The following SLCO3A1 variants were observed in gnomAD, a reference collection of about 807,000 sequenced individuals.
SLCO3A1 encodes PGE1 transporter.
Under a neutral mutation model 63.1 loss-of-function variants are expected in SLCO3A1, and 27 were observed. The ratio of observed to expected loss-of-function variants is 0.43; its 90% CI spans 0.32 to 0.59. The LOEUF (loss-of-function observed/expected upper bound fraction) is 0.59. Among genes scored for constraint, SLCO3A1 ranks in the 20% least tolerant of loss-of-function variants. The pLI is 0.09. For synonymous variants in SLCO3A1, 473 were observed against 409.9 expected (o/e 1.15, Z -1.86); for missense variants, 773 against 945.8 (o/e 0.82, Z 2.40).
At chr15:91,962,577 T>C (rs530122406) in intron 2 of SLCO3A1, among the ~76,000 whole-genome samples, 1 of 151,496 alleles carries the variant, frequency 6.6e-6, no homozygotes, top group East Asian at 1.9e-4. Context: ...TGGGAGAGAC[T>C]TGGTGCTGAG....
Position 91,854,300 on chromosome 15 carries a change from C to T in SLCO3A1, c.180+212C>T. 1 of 1,087,650 alleles carries T rather than the reference C, an allele frequency of 9.2e-7. No individual in the cohort carries two copies. The highest frequency in any genetic ancestry group is 1.1e-6 in the Non-Finnish European group (1 of 895,390). The allele number at this position is 1,087,650 out of a possible 1,614,324, so 67.4% of individuals were successfully genotyped here. On this transcript the variant is annotated intron_variant, in intron 1 of 9. Transcript: ENST00000318445. This position sits in a 1 kb window ranked among gnomAD's most constrained non-coding sequence, Gnocchi z 6.4. The stretch of plus-strand genomic sequence containing the variant: ...GGGTAGCGGGCGGGACCGTTGATGC[C>T]GGTAGCAGCTCGCGCGCGTCCGGCT...
At chr15:91,908,438 C>A (rs921256474) in intron 1 of SLCO3A1, 1 of 152,250 alleles carries the variant, frequency 6.6e-6, no homozygotes, top group African/African-American at 2.4e-5. Flanking sequence ...TGGGTGTTCT[C>A]TTTGCCACCA....
chr15:92,060,219 A>G (rs544480284), intron 2 of SLCO3A1, among the ~76,000 whole-genome samples: 23 of 152,222 alleles, frequency 1.5e-4, no homozygotes, highest in African/African-American at 5.5e-4. Flanking sequence ...CTCCTGTACC[A>G]TAGGCTACAC....
intron 2 of SLCO3A1, among the ~76,000 whole-genome samples, chr15:91,938,969 T>G (rs1220549571): frequency 6.6e-6 from 1 of 152,224 alleles, no homozygotes; most frequent in Non-Finnish European, 1.5e-5. Flanking sequence ...TGTGCCCCCC[T>G]CTGGGCTCAT....
chr15:92,130,596 A>G (rs2047980521), intron 7 of SLCO3A1, among the ~76,000 whole-genome samples: 2 of 152,122 alleles, frequency 1.3e-5, no homozygotes, highest in South Asian at 4.1e-4. Context: ...TCTAGCCTTA[A>G]AAACAACCAC....
At chr15:91,945,112 G>A (rs764573940) in intron 2 of SLCO3A1, among the ~76,000 whole-genome samples, 1 of 152,120 alleles carries the variant, frequency 6.6e-6, no homozygotes, top group South Asian at 2.1e-4. Context: ...TTGGGAGGCC[G>A]AGGCAGGCGA....
intron 5 of SLCO3A1, among the ~76,000 whole-genome samples, chr15:92,121,638 G>A (rs1055818049): frequency 1.1e-4 from 16 of 152,130 alleles, no homozygotes; most frequent in African/African-American, 3.9e-4. Context: ...GTAAATGGAT[G>A]GTAGTTGAGG....
chr15:91,956,118 G>C (rs1005690167), intron 2 of SLCO3A1, among the ~76,000 whole-genome samples: 2 of 152,168 alleles, frequency 1.3e-5, no homozygotes, highest in African/African-American at 4.8e-5. Context: ...ACTGGGGTCA[G>C]AGGCCAGCTT....
intron 2 of SLCO3A1, among the ~76,000 whole-genome samples, chr15:92,053,020 C>T (rs763835080): frequency 5.9e-5 from 9 of 152,170 alleles, no homozygotes; most frequent in Non-Finnish European, 1.3e-4. Context: ...TAAACTAGAT[C>T]CAGCCCTTTT....
At chr15:92,129,397 C>A (rs2047965526) in intron 7 of SLCO3A1, among the ~76,000 whole-genome samples, 1 of 152,212 alleles carries the variant, frequency 6.6e-6, no homozygotes, top group Non-Finnish European at 1.5e-5. Flanking sequence ...CACCTCCCTC[C>A]AGCTGGACAG....
chr15:91,951,233 C>T (rs1022905395), intron 2 of SLCO3A1, among the ~76,000 whole-genome samples: 6 of 152,202 alleles, frequency 3.9e-5, no homozygotes, highest in Non-Finnish European at 5.9e-5. Context: ...ATCCCCTGTT[C>T]CCTTACCCTC....
chr15:92,147,806 A>G (rs1212860523), intron 8 of SLCO3A1, among the ~76,000 whole-genome samples: 1 of 152,212 alleles, frequency 6.6e-6, no homozygotes, highest in Non-Finnish European at 1.5e-5. Context: ...ATGAGCCATT[A>G]GTAATATTCT....
intron 9 of SLCO3A1, chr15:92,151,242 C>T (rs746802209): frequency 2.7e-5 from 12 of 444,444 alleles, no homozygotes; most frequent in Middle Eastern, 6.0e-4. Context: ...TTCACGCCAC[C>T]GTGAATTCTC....
chr15:92,103,000 C>G (rs896410971), intron 3 of SLCO3A1, among the ~76,000 whole-genome samples: 2 of 152,182 alleles, frequency 1.3e-5, no homozygotes, highest in African/African-American at 4.8e-5. Flanking sequence ...GGAAGGTTGG[C>G]TGGAACAGTT....
rs1039999944 is a variant in SLCO3A1 at position 91,948,745 on chromosome 15, G to C, written c.646+32287G>C. 8.5e-5 allele frequency among the ~76,000 whole-genome samples: 13 copies of C among 152,144 alleles called. No homozygotes were observed. The highest frequency in any genetic ancestry group is 2.7e-4 in the African/African-American group (11 of 41,420). On this transcript the variant is annotated intron_variant, in intron 2 of 9. Coordinates refer to ENST00000318445, the MANE Select transcript of SLCO3A1 (RefSeq NM_013272.4). This position sits in a 1 kb window ranked among gnomAD's most constrained non-coding sequence, Gnocchi z 4.8. ...CACAGGAAGTGGAAAGTCAGTCTGG[G>C]ATGTAAAGTTGGAAGTCAGGGTCCT... is the stretch of plus-strand genomic sequence containing the variant.
intron 2 of SLCO3A1, among the ~76,000 whole-genome samples, chr15:91,935,007 G>A (rs932402597): frequency 6.6e-6 from 1 of 152,152 alleles, no homozygotes; most frequent in Non-Finnish European, 1.5e-5. Flanking sequence ...AGGCTGGAGT[G>A]CAGTGGCGCC....
At chr15:91,966,607 T>G (rs2151425462) in intron 2 of SLCO3A1, among the ~76,000 whole-genome samples, 1 of 152,322 alleles carries the variant, frequency 6.6e-6, no homozygotes, top group South Asian at 2.1e-4. Flanking sequence ...GACTCAAGTT[T>G]TCATTAAAGC....
intron 2 of SLCO3A1, among the ~76,000 whole-genome samples, chr15:91,920,394 G>T (rs1294058791): frequency 6.6e-6 from 1 of 152,222 alleles, no homozygotes; most frequent in Non-Finnish European, 1.5e-5. Context: ...ACAGCAGTGT[G>T]TCTGGAGTCC....
chr15:92,034,537 A>G (rs1373969588), intron 2 of SLCO3A1, among the ~76,000 whole-genome samples: 1 of 151,464 alleles, frequency 6.6e-6, no homozygotes, highest in African/African-American at 2.4e-5. Context: ...GCCTGCAGCA[A>G]CTCCCTTGCT....
Sources: gnomAD v4.1 joint callset for allele counts (sites outside exome capture counted in the v4.1 genomes callset) on GRCh38, gnomAD v4.1.1 for gene constraint, Gnocchi (gnomAD v3.1) non-coding constraint, MANE v1.5 for transcripts, NCBI Gene and HGNC (gene_info 2026-07-23, HGNC 2026-07-21) for gene names.